ATP8A1: variants seen among roughly 807,000 people sequenced by gnomAD.
ATP8A1 encodes phospholipid-transporting ATPase IA.
A neutral mutation model predicts 177.7 loss-of-function variants in ATP8A1; 90 were observed. The observed-to-expected ratio is 0.51, with a 90% CI of 0.43 to 0.60. The LOEUF (loss-of-function observed/expected upper bound fraction) is 0.60. Among genes scored for constraint, ATP8A1 ranks in the 20% least tolerant of loss-of-function variants. ATP8A1 has a pLI of 0.00. For synonymous variants in ATP8A1, 493 were observed against 485.9 expected (o/e 1.01, Z -0.19); for missense variants, 1,072 against 1,392.8 (o/e 0.77, Z 3.67).
intron 8 of ATP8A1, among the ~76,000 whole-genome samples, chr4:42,587,829 C>T (rs1389845779): frequency 1.3e-5 from 2 of 151,620 alleles, no homozygotes; most frequent in African/African-American, 2.4e-5. Context: ...AGGATGGTCT[C>T]GATCTCCTGA....
intron 15 of ATP8A1, among the ~76,000 whole-genome samples, chr4:42,559,328 A>T (rs570942572): frequency 3.3e-5 from 5 of 152,380 alleles, no homozygotes; most frequent in African/African-American, 1.2e-4. Context: ...AAAGATCAAC[A>T]ATGTAGTACA....
At chr4:42,545,929 G>A (rs1225954390) in intron 19 of ATP8A1, among the ~76,000 whole-genome samples, 2 of 152,112 alleles carry the variant, frequency 1.3e-5, no homozygotes, top group Admixed American at 1.3e-4. Context: ...AGCTGAGATC[G>A]AGCCACTGTA....
chr4:42,625,556 C>T (rs945617333), intron 3 of ATP8A1, 58 bp downstream of exon 3: 13 of 1,206,806 alleles, frequency 1.1e-5, no homozygotes, highest in African/African-American at 7.8e-5. Flanking sequence ...GGATTGGTCA[C>T]GGGCTTAACA....
intron 22 of ATP8A1, among the ~76,000 whole-genome samples, chr4:42,507,806 A>AC (rs1175115692): frequency 6.9e-6 from 1 of 145,044 alleles, no homozygotes; most frequent in African/African-American, 2.5e-5. Context: ...AAAAAAAAAA[A>AC]AAACATACAA....
intron 15 of ATP8A1, among the ~76,000 whole-genome samples, chr4:42,556,822 T>C (rs1730288485): frequency 6.6e-6 from 1 of 152,140 alleles, no homozygotes; most frequent in Admixed American, 6.5e-5. Context: ...AGTGAAAATA[T>C]ATACATTTGA....
At chr4:42,642,998 G>C (rs1249061505) in intron 1 of ATP8A1, among the ~76,000 whole-genome samples, 2 of 152,212 alleles carry the variant, frequency 1.3e-5, no homozygotes, top group Non-Finnish European at 2.9e-5. Context: ...TTTATAGTAA[G>C]TGCTTTCATT....
chr4:42,543,917 A>G lies in ATP8A1; in HGVS notation c.1722T>C (p.Ala574=), dbSNP rs1184656480. The change falls in exon 20 of 37, where the codon GCT becomes GCC. Residue 574 remains alanine, a splice_region_variant and synonymous_variant. Transcript: ENST00000381668. ...GTAAAAAATAAAAATAAAAACTTAC[A>G]GCTCCTTTGCAGTAGAGTCGTAACT... is the stretch of plus-strand genomic sequence containing the variant. The part of the protein sequence containing the change: ...SGKLRLYCKG[A]DTVIYDRLAE... 17 of 1,605,114 alleles carry G rather than the reference A, an allele frequency of 1.1e-5. No homozygotes were observed. Among genetic ancestry groups the G allele is most frequent in the Non-Finnish European group, 1.4e-5 (17 of 1,174,492 alleles).
intron 33 of ATP8A1, among the ~76,000 whole-genome samples, chr4:42,441,933 G>A (rs1716690382): frequency 6.6e-6 from 1 of 152,140 alleles, no homozygotes; most frequent in African/African-American, 2.4e-5. Context: ...GAAATGTGAT[G>A]GAGTACTGAC....
intron 33 of ATP8A1, among the ~76,000 whole-genome samples, chr4:42,438,809 T>C (rs1460089457): frequency 1.3e-5 from 2 of 152,118 alleles, no homozygotes; most frequent in Non-Finnish European, 2.9e-5. Context: ...AAGAATGACC[T>C]GGGTTAAATT....
At chr4:42,572,338 C>G (rs1305342386) in intron 14 of ATP8A1, among the ~76,000 whole-genome samples, 1 of 152,220 alleles carries the variant, frequency 6.6e-6, no homozygotes, top group Admixed American at 6.5e-5. Flanking sequence ...CAGAGGAAAT[C>G]TACACAGAAA....
intron 24 of ATP8A1, among the ~76,000 whole-genome samples, chr4:42,486,256 C>T (rs2153189383): frequency 6.6e-6 from 1 of 152,120 alleles, no homozygotes; most frequent in East Asian, 1.9e-4. Context: ...TAAAGGAGAA[C>T]AAAGGAAGGC....
At chr4:42,587,859 C>T (rs145579416) in intron 8 of ATP8A1, among the ~76,000 whole-genome samples, 6 of 152,128 alleles carry the variant, frequency 3.9e-5, no homozygotes, top group Admixed American at 1.3e-4. Flanking sequence ...TCACCTGCCT[C>T]AGCCTCTCAA....
Position 42,422,909 on chromosome 4 carries a change from G to GAAAAAAA in ATP8A1, c.3213-17_3213-11dup, listed in dbSNP as rs754333686. On this transcript the variant is annotated splice_polypyrimidine_tract_variant and intron_variant, in intron 34 of 36. Coordinates refer to ENST00000381668, the MANE Select transcript of ATP8A1 (RefSeq NM_006095.2). Reference sequence around the variant, plus strand: ...AGCAGTCCTCTTGATACTGCAAAAAGAAAAAAAAAGGGATTTGCATGGAAA... The same window carrying GAAAAAAA: ...AGCAGTCCTCTTGATACTGCAAAAAGAAAAAAAAAAAAAAAAGGGATTTGCATGGAAA... The GAAAAAAA allele has an allele frequency of 1.9e-6, 3 of 1,548,350 alleles. No homozygotes were observed. The highest frequency in any genetic ancestry group is 3.9e-5 in the Admixed American group (2 of 51,340).
intron 4 of ATP8A1, among the ~76,000 whole-genome samples, chr4:42,620,765 A>C (rs1368873529): frequency 6.6e-6 from 1 of 152,232 alleles, no homozygotes; most frequent in Non-Finnish European, 1.5e-5. Flanking sequence ...ACATAGAGTA[A>C]GTACAACCTA....
intron 25 of ATP8A1, among the ~76,000 whole-genome samples, chr4:42,481,354 C>T (rs1466934156): frequency 6.6e-6 from 1 of 152,180 alleles, no homozygotes; most frequent in Non-Finnish European, 1.5e-5. Flanking sequence ...TATGACGAAG[C>T]TGGTCCACTT....
intron 33 of ATP8A1, among the ~76,000 whole-genome samples, chr4:42,425,902 G>A (rs1714558631): frequency 6.6e-6 from 1 of 152,210 alleles, no homozygotes; most frequent in Non-Finnish European, 1.5e-5. Context: ...CGGGGGCCTT[G>A]AGAAGGGATC....
intron 4 of ATP8A1, among the ~76,000 whole-genome samples, chr4:42,622,663 A>G (rs1327755991): frequency 1.3e-5 from 2 of 152,226 alleles, no homozygotes; most frequent in Non-Finnish European, 2.9e-5. Context: ...AAGGTCTAAT[A>G]TCCGGCATCT....
intron 1 of ATP8A1, among the ~76,000 whole-genome samples, chr4:42,635,786 T>C (rs202147109): frequency 0.02 from 1,751 of 85,898 alleles, 42 homozygotes; most frequent in East Asian, 0.11. Context: ...CACACACATA[T>C]ATATATATAT....
At chr4:42,620,878 CCTCT>C (rs1737401720) in intron 4 of ATP8A1, among the ~76,000 whole-genome samples, 1 of 152,180 alleles carries the variant, frequency 6.6e-6, no homozygotes, top group Non-Finnish European at 1.5e-5. Flanking sequence ...AGTTACATGA[CCTCT>C]CTAAGCCTCA....
Sources: allele counts gnomAD v4.1 joint callset (sites outside exome capture counted in the v4.1 genomes callset), GRCh38; gene constraint gnomAD v4.1.1; transcripts MANE v1.5; gene names NCBI Gene and HGNC (gene_info 2026-07-23, HGNC 2026-07-21).